The following GRHL2 variants were observed in gnomAD, a reference collection of about 807,000 sequenced individuals.
GRHL2 encodes grainyhead like transcription factor 2.
Under a neutral mutation model 83.8 loss-of-function variants are expected in GRHL2, and 21 were observed. The ratio of observed to expected loss-of-function variants is 0.25; its 90% CI spans 0.18 to 0.36. The LOEUF (loss-of-function observed/expected upper bound fraction) is 0.36. GRHL2 is among the 10% of genes least tolerant of loss of function. The pLI, the probability that GRHL2 is intolerant of heterozygous loss-of-function variation, is 1.00. For missense variants in GRHL2, 623 were observed against 781.8 expected, an observed-to-expected ratio of 0.80 and a Z score of 2.42; for synonymous variants, 280 against 278.9, an observed-to-expected ratio of 1.00 and a Z score of -0.04.
At chr8:101,618,086 T>G (rs1201629286) in intron 8 of GRHL2, among the ~76,000 whole-genome samples, 1 of 152,210 alleles carries the variant, frequency 6.6e-6, no homozygotes, top group Non-Finnish European at 1.5e-5. Context: ...TATAATATAG[T>G]GTGCCTGGAT....
At chr8:101,669,959 A>G (rs1814175521), downstream of GRHL2, among the ~76,000 whole-genome samples, 1 of 152,212 alleles carries the variant, frequency 6.6e-6, no homozygotes, top group African/African-American at 2.4e-5. Context: ...CAGGCTCCCC[A>G]GGGTGGTTAT....
At chr8:101,493,133 C>T in intron 1 of GRHL2, among the ~76,000 whole-genome samples, 1 of 151,802 alleles carries the variant, frequency 6.6e-6, no homozygotes, top group East Asian at 1.9e-4. Flanking sequence ...CTGCTCTTCC[C>T]TCTCTGTTTT....
At chr8:101,675,193 T>G in the GRHL2 span, among the ~76,000 whole-genome samples, 1 of 152,144 alleles carries the variant, frequency 6.6e-6, no homozygotes, top group Non-Finnish European at 1.5e-5. Context: ...AACATAGTGT[T>G]GGAAGTTCTG....
chr8:101,611,498 C>T (rs948810908), intron 8 of GRHL2, among the ~76,000 whole-genome samples: 1 of 150,840 alleles, frequency 6.6e-6, no homozygotes, highest in Non-Finnish European at 1.5e-5. Context: ...ACTCCCAGTA[C>T]TCCCATCCCT....
At chr8:101,498,663 A>C (rs2129961886) in intron 1 of GRHL2, among the ~76,000 whole-genome samples, 1 of 152,318 alleles carries the variant, frequency 6.6e-6, no homozygotes, top group African/African-American at 2.4e-5. Flanking sequence ...GGGCCATTCA[A>C]ATGATCCCAG....
intron 14 of GRHL2, among the ~76,000 whole-genome samples, chr8:101,656,214 C>T (rs114717447): frequency 0.014 from 2,194 of 152,282 alleles, 56 homozygotes; most frequent in African/African-American, 0.05. Context: ...GTTTCTTTTC[C>T]GTGGTGTATT....
At chr8:101,611,676 A>G (rs1812753067) in intron 8 of GRHL2, among the ~76,000 whole-genome samples, 1 of 150,612 alleles carries the variant, frequency 6.6e-6, no homozygotes, top group South Asian at 2.1e-4. Context: ...TCCTCTCTAT[A>G]GCTTGGATGT....
chr8:101,573,610 C>A (rs1025030560), intron 5 of GRHL2, 58 bp from the exon 6 acceptor site: 4 of 1,606,738 alleles, frequency 2.5e-6, no homozygotes, highest in South Asian at 2.2e-5. Flanking sequence ...TGAAATTGGT[C>A]AAAAGAGCAG....
chr8:101,624,526 G>A (rs1331686308), intron 9 of GRHL2, among the ~76,000 whole-genome samples: 3 of 43,146 alleles, frequency 7.0e-5, no homozygotes, highest in Non-Finnish European at 6.5e-5. Context: ...TTCACAGTAA[G>A]ACAGTTCAGA....
chr8:101,652,547 GGTGTGT>G (rs1813685633), intron 14 of GRHL2, among the ~76,000 whole-genome samples: 3 of 50,360 alleles, frequency 6.0e-5, no homozygotes, highest in East Asian at 5.4e-4. Flanking sequence ...GTGTGTGTGT[GGTGTGT>G]ATGTGTGGTG....
intron 1 of GRHL2, among the ~76,000 whole-genome samples, chr8:101,516,261 ATATAAT>A (rs1810570009): frequency 6.6e-6 from 1 of 152,212 alleles, no homozygotes; most frequent in South Asian, 2.1e-4. Flanking sequence ...TTTTCTTAAA[ATATAAT>A]TTTAATTTTT....
intron 4 of GRHL2, among the ~76,000 whole-genome samples, chr8:101,565,340 A>G (rs1811694656): frequency 6.6e-6 from 1 of 152,228 alleles, no homozygotes; most frequent in Non-Finnish European, 1.5e-5. Context: ...ATCAAAATGG[A>G]AGGAAGAATT....
At chr8:101,523,891 G>C (rs1194311356) in intron 1 of GRHL2, among the ~76,000 whole-genome samples, 1 of 152,000 alleles carries the variant, frequency 6.6e-6, no homozygotes, top group Non-Finnish European at 1.5e-5. Flanking sequence ...CTTTCTTCTG[G>C]TTCATAACCT....
Position 101,612,063 on chromosome 8 carries a change from C to T in GRHL2, c.1099-7476C>T, listed in dbSNP as rs548989636. Among the ~76,000 whole-genome samples, 180 of 151,028 alleles carry T rather than the reference C, an allele frequency of 1.2e-3. 9 individuals carry two copies. Among genetic ancestry groups the T allele is most frequent in the African/African-American group, 4.1e-3 (167 of 40,442 alleles). ...GGAGTGCAATGGCGGGATCTCAGCTCACTAAAACCTCTGCCTCCCAGGTTC... is the reference window on the plus strand; with the variant it reads ...GGAGTGCAATGGCGGGATCTCAGCTTACTAAAACCTCTGCCTCCCAGGTTC... On this transcript the variant is annotated intron_variant, in intron 8 of 15. Coordinates refer to ENST00000646743, the MANE Select transcript of GRHL2 (RefSeq NM_024915.4).
chr8:101,586,430 G>A lies in GRHL2; in HGVS notation c.1003+8911G>A, dbSNP rs115705431. 7.4e-3 allele frequency among the ~76,000 whole-genome samples: 1,124 copies of A among 151,956 alleles called. 18 individuals are homozygous for A. Among genetic ancestry groups the A allele is most frequent in the African/African-American group, 0.026 (1,085 of 41,410 alleles). On this transcript the variant is annotated intron_variant, in intron 7 of 15. Transcript: ENST00000646743. ...TCCTTGCCTAGAATGGCCCTCTCTC[G>A]CTTCTTCACCTGGAAGACATCTCAC... is the stretch of plus-strand genomic sequence containing the variant.
At chr8:101,557,915 A>G (rs1162696624) in intron 3 of GRHL2, among the ~76,000 whole-genome samples, 1 of 152,120 alleles carries the variant, frequency 6.6e-6, no homozygotes, top group Non-Finnish European at 1.5e-5. Context: ...TCCAGTCTGG[A>G]GTGCAATGGC....
At chr8:101,663,663 ACTTTG>A (rs1354656914) in intron 14 of GRHL2, among the ~76,000 whole-genome samples, 1 of 151,986 alleles carries the variant, frequency 6.6e-6, no homozygotes, top group Non-Finnish European at 1.5e-5. Flanking sequence ...GTAGTATCCT[ACTTTG>A]CTTTAATTTG....
intron 4 of GRHL2, among the ~76,000 whole-genome samples, chr8:101,559,353 C>CAAAAAAAAAAAAAAAAAAAAAAAA (rs34176940): frequency 3.4e-5 from 3 of 88,966 alleles, no homozygotes; most frequent in African/African-American, 1.2e-4. Context: ...ACTAAAAATA[C>CAAAAAAAAAAAAAAAAAAAAAAAA]AAAAAAAAAA....
intron 4 of GRHL2, among the ~76,000 whole-genome samples, chr8:101,561,154 A>G (rs1811601287): frequency 6.7e-6 from 1 of 148,852 alleles, no homozygotes; most frequent in Non-Finnish European, 1.5e-5. Context: ...ATTTCGAAGT[A>G]ATTTTTTTTT....
Sources: gnomAD v4.1 joint callset for allele counts (sites outside exome capture counted in the v4.1 genomes callset) on GRCh38, gnomAD v4.1.1 for gene constraint, MANE v1.5 for transcripts, NCBI Gene and HGNC (gene_info 2026-07-23, HGNC 2026-07-21) for gene names.